The following MRPL42 variants were observed in gnomAD, a reference collection of about 807,000 sequenced individuals.
MRPL42 encodes the protein mitochondrial ribosomal protein L42.
A neutral mutation model predicts 17.9 loss-of-function variants in MRPL42; 17 were observed. The ratio of observed to expected loss-of-function variants is 0.95; its 90% confidence interval spans 0.65 to 1.42. The LOEUF is 1.42. Ranked by LOEUF, MRPL42 falls within the 40% of genes most tolerant of loss-of-function variation. The probability of loss-of-function intolerance (pLI) is 0.00; values close to 1 mark genes in which losing one functional copy is unlikely to be tolerated. For missense variants in MRPL42, 177 were observed against 175.2 expected, an observed-to-expected ratio of 1.01 and a Z score of -0.06; for synonymous variants, 59 against 54.4, an observed-to-expected ratio of 1.08 and a Z score of -0.37.
intron 4 of MRPL42, among the ~76,000 whole-genome samples, chr12:93,480,697 A>C (rs1278549388): frequency 1.3e-5 from 2 of 151,510 alleles, no homozygotes; most frequent in East Asian, 3.9e-4. Context: ...GTGCACTACC[A>C]CACCCGGCTA....
intron 5 of MRPL42, among the ~76,000 whole-genome samples, chr12:93,492,446 T>C (rs1953432961): frequency 6.6e-6 from 1 of 152,206 alleles, no homozygotes; most frequent in Non-Finnish European, 1.5e-5. Flanking sequence ...TCTGTTCATG[T>C]TCCCTAGCCC....
At chr12:93,500,983 G>T in intron 5 of MRPL42, 193 bp from the exon 6 acceptor site, 4 of 476,482 alleles carry the variant, frequency 8.4e-6, no homozygotes, top group Non-Finnish European at 1.5e-5. Flanking sequence ...AAAAAAAAAT[G>T]ATTAGGTAAA....
Position 93,479,424 on chromosome 12 carries a change from A to G in MRPL42, c.171A>G (p.Thr57=). Residue 57 remains threonine (T), a synonymous_variant, in exon 4 of 6, where the codon ACA becomes ACG. Coordinates refer to ENST00000549982, the MANE Select transcript of MRPL42 (RefSeq NM_014050.4). ...VELALTSDGR[T]IVCYHPSVDI... is the part of the protein sequence containing the mutation. ...TTGCTCTGACTTCTGATGGCAGGAC[A>G]ATAGTATGCTACCACCCTTCTGTGG... 3.1e-6 allele frequency: 5 copies of G among 1,612,194 alleles called. No individual in the cohort carries two copies. The South Asian group carries it at 4.4e-5, about 14-fold the overall frequency.
intron 5 of MRPL42, among the ~76,000 whole-genome samples, chr12:93,490,694 G>T (rs997357975): frequency 2.0e-5 from 3 of 151,924 alleles, no homozygotes; most frequent in Non-Finnish European, 2.9e-5. Flanking sequence ...TTCATTCTCA[G>T]CTTGTTTTCC....
chr12:93,500,384 T>G (rs1953566790), intron 5 of MRPL42, among the ~76,000 whole-genome samples: 2 of 152,210 alleles, frequency 1.3e-5, no homozygotes. Flanking sequence ...ATACTGCTAA[T>G]TTCACCACAC....
At chr12:93,477,052 C>T (rs763768825) in intron 3 of MRPL42, 35 bp downstream of exon 3, 6 of 1,386,486 alleles carry the variant, frequency 4.3e-6, no homozygotes, top group Non-Finnish European at 6.1e-6. Flanking sequence ...AAATAATAGT[C>T]TTAGCTATAG....
chr12:93,476,752 TTGTC>T (rs1880201434), intron 2 of MRPL42, among the ~76,000 whole-genome samples, 198 bp from the exon 3 acceptor site: 1 of 152,328 alleles, frequency 6.6e-6, no homozygotes, highest in Admixed American at 6.5e-5. Context: ...TTGTAATTGT[TTGTC>T]TGTCTCTCTC....
At chr12:93,475,632 C>A (rs993647633) in intron 2 of MRPL42, among the ~76,000 whole-genome samples, 1 of 152,048 alleles carries the variant, frequency 6.6e-6, no homozygotes, top group Non-Finnish European at 1.5e-5. Flanking sequence ...AAATTTTTTT[C>A]TTTATATTAA....
intron 5 of MRPL42, among the ~76,000 whole-genome samples, chr12:93,491,945 A>C (rs1953423445): frequency 6.6e-6 from 1 of 152,110 alleles, no homozygotes; most frequent in South Asian, 2.1e-4. Context: ...AAAGGACATG[A>C]TTTTGTTCTT....
chr12:93,487,462 C>T, intron 4 of MRPL42, 35 bp from the exon 5 acceptor site: 1 of 1,569,830 alleles, frequency 6.4e-7, no homozygotes, highest in Non-Finnish European at 8.7e-7. Context: ...AACATTCCCA[C>T]ATCTTCATGA....
At chr12:93,487,227 T>G (rs1880786054) in intron 4 of MRPL42, among the ~76,000 whole-genome samples, 1 of 152,190 alleles carries the variant, frequency 6.6e-6, no homozygotes, top group Admixed American at 6.5e-5. Context: ...TTTCCCAAAG[T>G]GCTGGGATTA....
intron 5 of MRPL42, among the ~76,000 whole-genome samples, chr12:93,492,448 C>T (rs1953433042): frequency 6.6e-6 from 1 of 151,958 alleles, no homozygotes; most frequent in Non-Finnish European, 1.5e-5. Flanking sequence ...TGTTCATGTT[C>T]CCTAGCCCAC....
chr12:93,489,105 A>G (rs1048691960), intron 5 of MRPL42, among the ~76,000 whole-genome samples: 5 of 152,226 alleles, frequency 3.3e-5, no homozygotes, highest in African/African-American at 9.6e-5. Flanking sequence ...AAGTGGCTCT[A>G]AGTGCTGGTT....
At position 93,511,679 on chromosome 12, in the gene MRPL42, A is replaced by G. The variant is rs914573151; in HGVS notation, c.*10458A>G. 2.0e-5 allele frequency: 3 copies of G among 152,232 alleles called. No homozygotes were observed. Among genetic ancestry groups the G allele is most frequent in the African/African-American group, 7.2e-5 (3 of 41,464 alleles). 9.4% of individuals were successfully genotyped at this position (152,232 alleles called of 1,614,324 possible). ...TTAGTTTATATGCTATTTGAATATGATAGTAATATGAAGGAAGATTCTCTT... is the reference window on the plus strand; with the variant it reads ...TTAGTTTATATGCTATTTGAATATGGTAGTAATATGAAGGAAGATTCTCTT... On this transcript the variant is annotated 3_prime_UTR_variant, in exon 6 of 6. Transcript: ENST00000549982.
intron 3 of MRPL42, 116 bp from the exon 4 acceptor site, chr12:93,479,272 C>T (rs2121195700): frequency 2.0e-6 from 1 of 503,120 alleles, no homozygotes; most frequent in Non-Finnish European, 3.3e-6. Flanking sequence ...GCTGGAGTGC[C>T]CACTGCACTC....
chr12:93,501,092 G>A (rs1953586808), intron 5 of MRPL42, 84 bp from the exon 6 acceptor site: 2 of 1,094,438 alleles, frequency 1.8e-6, no homozygotes, highest in African/African-American at 1.8e-5. Context: ...AGTTCCAATA[G>A]CAAAATAATC....
intron 1 of MRPL42, among the ~76,000 whole-genome samples, chr12:93,468,849 T>C (rs1380701369): frequency 6.6e-6 from 1 of 152,178 alleles, no homozygotes; most frequent in African/African-American, 2.4e-5. Context: ...ACAGCCACAC[T>C]AGCATTAAAA....
Position 93,511,441 on chromosome 12 carries a change from C to T in MRPL42, c.*10220C>T, listed in dbSNP as rs1476659339. The T allele has an allele frequency of 1.3e-5, 2 of 152,026 alleles. No individual in the cohort carries two copies. The highest frequency in any genetic ancestry group is 2.9e-5 in the Non-Finnish European group (2 of 67,974). The allele number at this position is 152,026 out of a possible 1,614,324, so 9.4% of individuals were successfully genotyped here. ...TTAAGACAATAATCTTATATATAGACAATAATTGTCTTAATAATAATCAGC... is the reference window on the plus strand; with the variant it reads ...TTAAGACAATAATCTTATATATAGATAATAATTGTCTTAATAATAATCAGC... On this transcript the variant is annotated 3_prime_UTR_variant, in exon 6 of 6. Coordinates refer to ENST00000549982, the MANE Select transcript of MRPL42 (RefSeq NM_014050.4).
At chr12:93,479,493 TGCA>T (rs768004496) in intron 4 of MRPL42, 21 bp downstream of exon 4, 148 of 1,552,144 alleles carry the variant, frequency 9.5e-5, no homozygotes, top group Non-Finnish European at 1.3e-4. Flanking sequence ...GAAAATTTCT[TGCA>T]GTTTTTAATT....
Sources: allele counts gnomAD v4.1 joint callset (sites outside exome capture counted in the v4.1 genomes callset), GRCh38; gene constraint gnomAD v4.1.1; transcripts MANE v1.5; gene names NCBI Gene and HGNC (gene_info 2026-07-23, HGNC 2026-07-21).